Variants in DLG2 observed in about 807,000 individuals in gnomAD.
The protein encoded by DLG2 is disks large homolog 2.
DLG2 carries 45 observed loss-of-function variants against 132.5 expected under a neutral mutation model. That is an observed-to-expected ratio of 0.34 (90% CI 0.27 to 0.44). The LOEUF (loss-of-function observed/expected upper bound fraction) is 0.44. Among genes scored for constraint, DLG2 ranks in the 20% least tolerant of loss-of-function variants. DLG2 has a pLI of 1.00. For synonymous variants in DLG2, 424 were observed against 419.6 expected, an observed-to-expected ratio of 1.01 and a Z score of -0.13; for missense variants, 1,045 against 1,196.9, an observed-to-expected ratio of 0.87 and a Z score of 1.87.
At chr11:84,194,919 C>T (rs570640201) in intron 8 of DLG2, among the ~76,000 whole-genome samples, 27 of 152,308 alleles carry the variant, frequency 1.8e-4, no homozygotes, top group Admixed American at 1.4e-3. Flanking sequence ...TGCGCCCACC[C>T]GGAACTCGTC....
chr11:83,605,974 G>A (rs1446493358), intron 19 of DLG2, among the ~76,000 whole-genome samples: 1 of 152,214 alleles, frequency 6.6e-6, no homozygotes, highest in Non-Finnish European at 1.5e-5. Context: ...TGAGATACTA[G>A]GAGAAGGGAA....
rs141432012 is a variant in DLG2, at chr11:85,429,588, C to T, written c.41-144223G>A. On this transcript the variant is annotated intron_variant, in intron 3 of 27. Coordinates refer to ENST00000376104, the MANE Select transcript of DLG2 (RefSeq NM_001142699.3). Reference sequence around the variant, plus strand: ...TTCTCAAAAGAAGACATTTATGCAGCCAAAAGACACATAAAAAAATGCTCG... The same window carrying T: ...TTCTCAAAAGAAGACATTTATGCAGTCAAAAGACACATAAAAAAATGCTCG... 7.7e-3 allele frequency among the ~76,000 whole-genome samples: 1,175 copies of T among 152,182 alleles called. 13 individuals carry two copies. Among genetic ancestry groups the T allele is most frequent in the African/African-American group, 0.027 (1,108 of 41,514 alleles).
intron 7 of DLG2, among the ~76,000 whole-genome samples, chr11:84,320,218 C>T (rs2098396451): frequency 6.6e-6 from 1 of 152,186 alleles, no homozygotes; most frequent in African/African-American, 2.4e-5. Flanking sequence ...TGACCTGGCA[C>T]TGGCTTCATA....
At chr11:84,978,256 T>C (rs1051930949) in intron 6 of DLG2, among the ~76,000 whole-genome samples, 7 of 151,972 alleles carry the variant, frequency 4.6e-5, no homozygotes, top group African/African-American at 1.7e-4. Flanking sequence ...AACTAGGCTT[T>C]TCATCCCCAT....
At chr11:85,516,914 C>G (rs1447228592) in intron 3 of DLG2, among the ~76,000 whole-genome samples, 2 of 152,030 alleles carry the variant, frequency 1.3e-5, no homozygotes, top group Non-Finnish European at 2.9e-5. Flanking sequence ...TCCTCCCTAA[C>G]TCATCCTATG....
At chr11:84,377,797 G>T (rs537950887) in intron 7 of DLG2, among the ~76,000 whole-genome samples, 56 of 152,208 alleles carry the variant, frequency 3.7e-4, no homozygotes, top group African/African-American at 1.2e-3. Flanking sequence ...TGAACAGAAA[G>T]TATGGGAAAT....
chr11:84,982,269 C>T (rs1246216900), intron 6 of DLG2, among the ~76,000 whole-genome samples: 1 of 152,128 alleles, frequency 6.6e-6, no homozygotes, highest in African/African-American at 2.4e-5. Context: ...TGTAACATCT[C>T]TACTTAGCTA....
chr11:85,371,543 C>T (rs1468681672), intron 3 of DLG2, among the ~76,000 whole-genome samples: 1 of 152,096 alleles, frequency 6.6e-6, no homozygotes, highest in Non-Finnish European at 1.5e-5. Flanking sequence ...GTTATTTTAC[C>T]AAGGCTTTGA....
At chr11:84,995,280 G>C (rs2057522455) in intron 6 of DLG2, among the ~76,000 whole-genome samples, 1 of 152,138 alleles carries the variant, frequency 6.6e-6, no homozygotes, top group African/African-American at 2.4e-5. Flanking sequence ...TAGTATTAGG[G>C]AGGATACCTC....
intron 15 of DLG2, among the ~76,000 whole-genome samples, chr11:83,882,899 C>T (rs537484158): frequency 2.4e-4 from 37 of 152,138 alleles, no homozygotes; most frequent in Non-Finnish European, 4.7e-4. Context: ...GGTTAAGTTG[C>T]ACAGCCAGAA....
chr11:85,320,948 G>C (rs895150482), intron 3 of DLG2, among the ~76,000 whole-genome samples: 1 of 151,594 alleles, frequency 6.6e-6, no homozygotes, highest in African/African-American at 2.4e-5. Context: ...TTTTCGAATA[G>C]AGAAATTTTA....
At chr11:84,571,544 C>T (rs1438565979) in intron 6 of DLG2, among the ~76,000 whole-genome samples, 2 of 151,936 alleles carry the variant, frequency 1.3e-5, no homozygotes, top group Non-Finnish European at 2.9e-5. Flanking sequence ...GACATGGCAC[C>T]CTCCCCTCCT....
chr11:84,506,468 A>G (rs572759466), intron 7 of DLG2, among the ~76,000 whole-genome samples: 1 of 152,082 alleles, frequency 6.6e-6, no homozygotes, highest in Non-Finnish European at 1.5e-5. Context: ...AGAAATTTAA[A>G]GATGCTATGC....
At chr11:85,470,580 G>A (rs1040242355) in intron 3 of DLG2, among the ~76,000 whole-genome samples, 2 of 152,034 alleles carry the variant, frequency 1.3e-5, no homozygotes, top group Non-Finnish European at 2.9e-5. Context: ...AAAGTTAGCT[G>A]GGCATGGTGT....
At chr11:84,460,391 T>C (rs912921661) in intron 7 of DLG2, among the ~76,000 whole-genome samples, 1 of 150,220 alleles carries the variant, frequency 6.7e-6, no homozygotes. Context: ...AGCAAACAAA[T>C]GAACAAAGAA....
chr11:84,775,116 A>G (rs1056491810), intron 6 of DLG2, among the ~76,000 whole-genome samples: 1 of 152,160 alleles, frequency 6.6e-6, no homozygotes, highest in African/African-American at 2.4e-5. Flanking sequence ...AAAAATGAGA[A>G]AAGGACATGA....
chr11:84,580,948 T>C (rs1006678787), intron 6 of DLG2, among the ~76,000 whole-genome samples: 1 of 152,090 alleles, frequency 6.6e-6, no homozygotes, highest in African/African-American at 2.4e-5. Context: ...GTTCAACTAA[T>C]AGAGTTTCAG....
chr11:83,885,903 T>G (rs12270838), intron 15 of DLG2, among the ~76,000 whole-genome samples: 13,863 of 151,956 alleles, frequency 0.091, 792 homozygotes, highest in Middle Eastern at 0.19. Context: ...AATGCTGAGA[T>G]ATTTTGTCAC....
rs1469255253 is a variant in DLG2 at position 85,386,428 on chromosome 11, T to G, written c.41-101063A>C. 7.2e-5 allele frequency among the ~76,000 whole-genome samples: 11 copies of G among 152,324 alleles called. 1 individual carries two copies. Among genetic ancestry groups the G allele is most frequent in the Admixed American group, 4.6e-4 (7 of 15,300 alleles). ...ACCCTACCTCCAGAGACAACATTCC[T>G]ATCTCATCACATTGACTTCTGACGT... On this transcript the variant is annotated intron_variant, in intron 3 of 27. Coordinates refer to ENST00000376104, the MANE Select transcript of DLG2 (RefSeq NM_001142699.3).
Sources: gnomAD v4.1 joint callset for allele counts (sites outside exome capture counted in the v4.1 genomes callset) on GRCh38, gnomAD v4.1.1 for gene constraint, MANE v1.5 for transcripts, NCBI Gene and HGNC (gene_info 2026-07-23, HGNC 2026-07-21) for gene names.